LINGO2: variants seen among roughly 807,000 people sequenced by gnomAD.
LINGO2 encodes the protein leucine-rich repeat and immunoglobulin-like domain-containing nogo receptor-interacting protein 2.
A neutral mutation model predicts 30.6 loss-of-function variants in LINGO2; 14 were observed. The observed-to-expected ratio is 0.46, with a 90% confidence interval of 0.30 to 0.72. The LOEUF (loss-of-function observed/expected upper bound fraction) is 0.72. Ranked by LOEUF, LINGO2 falls within the 30% of genes least tolerant of loss-of-function variation. LINGO2 has a pLI of 0.07. For missense variants in LINGO2, 729 were observed against 751.7 expected, an observed-to-expected ratio of 0.97 and a Z score of 0.35; for synonymous variants, 317 against 288.5, an observed-to-expected ratio of 1.10 and a Z score of -1.00.
the LINGO2 span, among the ~76,000 whole-genome samples, chr9:28,947,755 ATATG>A: frequency 1.3e-5 from 2 of 151,436 alleles, no homozygotes; most frequent in East Asian, 3.9e-4. Context: ...TCCTTTATAT[ATATG>A]TAATATGTAT....
chr9:28,391,418 T>C (rs1821824087), intron 2 of LINGO2, among the ~76,000 whole-genome samples: 1 of 152,138 alleles, frequency 6.6e-6, no homozygotes, highest in East Asian at 1.9e-4. Flanking sequence ...CTCTTACGGG[T>C]TCATCAGATT....
At chr9:29,096,356 A>T in the LINGO2 span, among the ~76,000 whole-genome samples, 1 of 139,064 alleles carries the variant, frequency 7.2e-6, no homozygotes, top group Non-Finnish European at 1.6e-5. Flanking sequence ...CGAAATTTTC[A>T]CTCACTGCAA....
At chr9:28,435,363 T>C (rs1188421015) in intron 2 of LINGO2, among the ~76,000 whole-genome samples, 1 of 152,180 alleles carries the variant, frequency 6.6e-6, no homozygotes, top group East Asian at 1.9e-4. Flanking sequence ...TATCACTATA[T>C]GTAAGAAGAA....
intron 5 of LINGO2, among the ~76,000 whole-genome samples, chr9:27,974,254 C>A (rs1820488921): frequency 6.6e-6 from 1 of 152,142 alleles, no homozygotes; most frequent in Non-Finnish European, 1.5e-5. Context: ...TTACCTCAAG[C>A]TGCAATCCTC....
chr9:28,689,214 G>C, the LINGO2 span, among the ~76,000 whole-genome samples: 1 of 152,148 alleles, frequency 6.6e-6, no homozygotes, highest in African/African-American at 2.4e-5. Context: ...GCTGTTAGGA[G>C]CTGAGGAGAA....
the LINGO2 span, among the ~76,000 whole-genome samples, chr9:28,724,058 G>C: frequency 2.0e-5 from 3 of 152,040 alleles, no homozygotes; most frequent in African/African-American, 7.2e-5. Flanking sequence ...ATATAAAGAA[G>C]ATAAATTAAG....
At chr9:28,986,508 C>G in the LINGO2 span, among the ~76,000 whole-genome samples, 3,219 of 152,068 alleles carry the variant, frequency 0.021, 96 homozygotes, top group African/African-American at 0.072. Flanking sequence ...TATATAAACA[C>G]AAACCATCTT....
At chr9:28,434,762 C>T (rs1811394477) in intron 2 of LINGO2, among the ~76,000 whole-genome samples, 2 of 152,068 alleles carry the variant, frequency 1.3e-5, no homozygotes, top group African/African-American at 4.8e-5. Context: ...ATAATTTGGA[C>T]TCACTTTTAT....
At chr9:29,051,490 T>C in the LINGO2 span, among the ~76,000 whole-genome samples, 1 of 152,190 alleles carries the variant, frequency 6.6e-6, no homozygotes, top group Non-Finnish European at 1.5e-5. Context: ...GTCTTTTTAA[T>C]TTAACTGTAC....
the LINGO2 span, among the ~76,000 whole-genome samples, chr9:29,185,333 T>C: frequency 6.6e-6 from 1 of 152,068 alleles, no homozygotes; most frequent in Non-Finnish European, 1.5e-5. Flanking sequence ...CACCCCTTGA[T>C]AGGAAAAATT....
intron 5 of LINGO2, among the ~76,000 whole-genome samples, chr9:28,004,061 T>C (rs1387238827): frequency 2.6e-5 from 4 of 152,176 alleles, no homozygotes; most frequent in Non-Finnish European, 5.9e-5. Flanking sequence ...AACAATGAAA[T>C]AATCAAACTA....
At chr9:27,991,281 G>T (rs1353751165) in intron 5 of LINGO2, among the ~76,000 whole-genome samples, 1 of 151,934 alleles carries the variant, frequency 6.6e-6, no homozygotes, top group Admixed American at 6.6e-5. Flanking sequence ...AGTTATTGAG[G>T]GTGTCTACAG....
chr9:28,237,369 A>C (rs2133958939), intron 4 of LINGO2, among the ~76,000 whole-genome samples: 1 of 152,272 alleles, frequency 6.6e-6, no homozygotes, highest in East Asian at 1.9e-4. Flanking sequence ...ATGGGAAGGA[A>C]GAAAATAAGG....
intron 1 of LINGO2, among the ~76,000 whole-genome samples, chr9:28,570,619 A>AG (rs397893662): frequency 7.9e-5 from 12 of 151,724 alleles, no homozygotes; most frequent in Admixed American, 3.3e-4. Context: ...AAAAAAAAAA[A>AG]CACCGTGTGA....
intron 2 of LINGO2, among the ~76,000 whole-genome samples, chr9:28,460,604 G>A (rs1296188392): frequency 6.6e-6 from 1 of 152,126 alleles, no homozygotes; most frequent in Non-Finnish European, 1.5e-5. Context: ...AGAAATGGGG[G>A]AAATTGAAAA....
the LINGO2 span, among the ~76,000 whole-genome samples, chr9:28,748,866 T>C: frequency 6.6e-6 from 1 of 151,870 alleles, no homozygotes; most frequent in Non-Finnish European, 1.5e-5. Flanking sequence ...AAAACAAAAA[T>C]TGATAAAGAA....
At chr9:28,624,385 A>T (rs1237958300) in intron 1 of LINGO2, among the ~76,000 whole-genome samples, 2 of 151,938 alleles carry the variant, frequency 1.3e-5, no homozygotes, top group Non-Finnish European at 2.9e-5. Flanking sequence ...ATCAAGAAGA[A>T]ATGTTGAATT....
rs537654108 is a variant in LINGO2 at position 28,272,701 on chromosome 9, C to A, written c.-87+22507G>T. 2.3e-3 allele frequency among the ~76,000 whole-genome samples: 351 copies of A among 152,132 alleles called. 1 individual carries two copies. Among genetic ancestry groups the A allele is most frequent in the African/African-American group, 7.8e-3 (324 of 41,506 alleles). On this transcript the variant is annotated intron_variant, in intron 4 of 5. Coordinates refer to ENST00000379992, the Ensembl canonical transcript of LINGO2. ...CTTGAACCTCAACTTCAACAAACTA[C>A]AAGGCTTATAAAAACAACTTTCACA...
chr9:28,118,589 T>G (rs1217483271), intron 4 of LINGO2, among the ~76,000 whole-genome samples: 1 of 152,134 alleles, frequency 6.6e-6, no homozygotes, highest in African/African-American at 2.4e-5. Flanking sequence ...GATAGTTCAG[T>G]GTGATTTTTG....
Sources: allele counts gnomAD v4.1 joint callset (sites outside exome capture counted in the v4.1 genomes callset), GRCh38; gene constraint gnomAD v4.1.1; transcripts MANE v1.5; gene names NCBI Gene and HGNC (gene_info 2026-07-23, HGNC 2026-07-21).